AFTPH: variants seen among roughly 807,000 people sequenced by gnomAD.
AFTPH encodes the protein aftiphilin, also known as aftiphilin protein.
AFTPH carries 7 observed loss-of-function variants against 72.5 expected under a neutral mutation model. The observed-to-expected ratio is 0.10, with a 90% CI of 0.05 to 0.18. The LOEUF (loss-of-function observed/expected upper bound fraction) is 0.18. AFTPH is among the 10% of genes least tolerant of loss of function. The pLI is 1.00. For missense variants in AFTPH, 979 were observed against 1,060.5 expected, an observed-to-expected ratio of 0.92 and a Z score of 1.07; for synonymous variants, 337 against 370.1, an observed-to-expected ratio of 0.91 and a Z score of 1.03.
intron 8 of AFTPH, among the ~76,000 whole-genome samples, chr2:64,587,610 C>G (rs1558635075): frequency 6.6e-6 from 1 of 152,140 alleles, no homozygotes; most frequent in Admixed American, 6.5e-5. Flanking sequence ...TTTTGATAGA[C>G]TATAGGGTAA....
rs1273215562 is a variant in AFTPH at position 64,583,207 on chromosome 2, TAG to T, written c.2456-2214_2456-2213del. 4.6e-5 allele frequency among the ~76,000 whole-genome samples: 7 copies of T among 152,112 alleles called. No homozygotes were observed. In the East Asian group the frequency reaches 1.3e-3, roughly 29 times the overall value. On this transcript the variant is annotated intron_variant, in intron 7 of 8. Transcript: ENST00000238856. ...TGTTTCTGGGAAAGTCATTTCGTCT[TAG>T]CTTGCGGTTATTTAATTATTTTGTG...
At chr2:64,562,608 C>G (rs1671809317) in intron 2 of AFTPH, among the ~76,000 whole-genome samples, 1 of 152,110 alleles carries the variant, frequency 6.6e-6, no homozygotes, top group Non-Finnish European at 1.5e-5. Flanking sequence ...CTTTTCTCAT[C>G]CAGGAAATGG....
chr2:64,549,317 T>A (rs1670880049), intron 1 of AFTPH, among the ~76,000 whole-genome samples: 1 of 107,080 alleles, frequency 9.3e-6, no homozygotes, highest in Non-Finnish European at 1.7e-5. Flanking sequence ...CCTTTTTTTT[T>A]TTTTTTTTTT....
intron 8 of AFTPH, among the ~76,000 whole-genome samples, chr2:64,586,500 CTCTT>C (rs1376251117): frequency 6.6e-6 from 1 of 152,176 alleles, no homozygotes; most frequent in Non-Finnish European, 1.5e-5. Flanking sequence ...ATGTTTCTCT[CTCTT>C]AACTTTAGCT....
chr2:64,573,109 A>C (rs1264324247), intron 6 of AFTPH, 41 bp downstream of exon 6: 1 of 1,459,476 alleles, frequency 6.9e-7, no homozygotes, highest in Non-Finnish European at 9.6e-7. Context: ...TTATGCGTGT[A>C]TATACACATA....
chr2:64,556,177 G>T (rs1362575301), intron 2 of AFTPH, among the ~76,000 whole-genome samples: 1 of 152,048 alleles, frequency 6.6e-6, no homozygotes, highest in Non-Finnish European at 1.5e-5. Context: ...TATTGGAGAT[G>T]AAGTGTCACC....
At chr2:64,556,235 G>A (rs907784545) in intron 2 of AFTPH, among the ~76,000 whole-genome samples, 4 of 152,168 alleles carry the variant, frequency 2.6e-5, no homozygotes, top group Admixed American at 6.5e-5. Context: ...TGATCCACCC[G>A]GCTCGGCCTC....
rs1276925190 is a variant in AFTPH, at chr2:64,575,061, A to ACCGCTTCCTCCT, written c.2394+1995_2394+1996insGCTTCCTCCTCC. ...TTTTGCTTGCTTCCTCCTCCATCTA[A>ACCGCTTCCTCCT]CCACTTCCACCTTACAACCCCATAA... is the stretch of plus-strand genomic sequence containing the variant. On this transcript the variant is annotated intron_variant, in intron 6 of 8. Coordinates refer to ENST00000238856, the Ensembl canonical transcript of AFTPH. Among the ~76,000 whole-genome samples, 5 of 152,158 alleles carry ACCGCTTCCTCCT rather than the reference A, an allele frequency of 3.3e-5. No homozygotes were observed. In the East Asian group the frequency reaches 9.7e-4, roughly 29 times the overall value.
At chr2:64,587,268 G>T (rs1045406995) in intron 8 of AFTPH, among the ~76,000 whole-genome samples, 1 of 152,086 alleles carries the variant, frequency 6.6e-6, no homozygotes, top group African/African-American at 2.4e-5. Context: ...TGAGTTACTC[G>T]CTAGGACCTG....
chr2:64,571,533 G>C (rs1672432117), intron 5 of AFTPH, among the ~76,000 whole-genome samples: 1 of 152,206 alleles, frequency 6.6e-6, no homozygotes, highest in Admixed American at 6.5e-5. Flanking sequence ...TAGCTGCTCG[G>C]TTAAAGCCTT....
chr2:64,551,806 C>G (rs776648995), exon 2 of AFTPH: 1 of 1,613,338 alleles, frequency 6.2e-7, no homozygotes, highest in South Asian at 1.1e-5. Flanking sequence ...CTTTCTACCA[C>G]CAGCAAAGAA....
At chr2:64,553,458 G>A in intron 2 of AFTPH, 49 bp downstream of exon 2, 4 of 1,495,008 alleles carry the variant, frequency 2.7e-6, no homozygotes, top group Non-Finnish European at 3.5e-6. Flanking sequence ...TTGTTGTGGA[G>A]GCTTCTAATT....
At chr2:64,537,537 T>C (rs1348384362) in intron 1 of AFTPH, among the ~76,000 whole-genome samples, 1 of 152,234 alleles carries the variant, frequency 6.6e-6, no homozygotes, top group Non-Finnish European at 1.5e-5. Context: ...TAGTATCTTT[T>C]AGAGAACTTT....
At chr2:64,552,337 AAGG>A in exon 2 of AFTPH, 2 of 1,614,114 alleles carry the variant, frequency 1.2e-6, no homozygotes, top group African/African-American at 2.7e-5. Flanking sequence ...TTGGATAACA[AAGG>A]AGACACTGAT....
chr2:64,552,337 A>G lies in AFTPH; in HGVS notation c.863A>G (p.Lys288Arg), dbSNP rs77781733. 7.7e-5 allele frequency: 125 copies of G among 1,614,114 alleles called. No homozygotes were observed. In the East Asian group the frequency reaches 2.7e-3, roughly 35 times the overall value. Residue 288 changes from lysine (K) to arginine (R), a missense_variant, in exon 2 of 9, where the codon AAA (lysine) becomes AGA (arginine). By Grantham distance (26) the Lys-to-Arg change is conservative. This residue lies in a region of AFTPH where 498 missense variants were observed against 467.6 expected (regional missense o/e 1.06). Coordinates refer to ENST00000238856, the Ensembl canonical transcript of AFTPH. ...GCTTTGGGTAGAAGCTTGGATAACA[A>G]AGGAGACACTGATGGAGAGGATCAG...
chr2:64,549,976 A>C (rs1241436168), intron 1 of AFTPH, among the ~76,000 whole-genome samples: 1 of 152,160 alleles, frequency 6.6e-6, no homozygotes. Flanking sequence ...AAATCAATTG[A>C]TTTGACTTCC....
intron 1 of AFTPH, among the ~76,000 whole-genome samples, chr2:64,527,458 T>TG (rs1669344526): frequency 6.6e-6 from 1 of 152,092 alleles, no homozygotes; most frequent in African/African-American, 2.4e-5. Flanking sequence ...CACATGCCTA[T>TG]AATCCCAGCT....
In AFTPH at chr2:64,552,579, T is replaced by C. The variant is rs777527120; in HGVS notation, c.1105T>C (p.Cys369Arg). Residue 369 changes from cysteine (C) to arginine (R), a missense_variant, in exon 2 of 9, where the codon TGC becomes CGC. By Grantham distance (180) the Cys-to-Arg change is radical. Coordinates refer to ENST00000238856, the Ensembl canonical transcript of AFTPH. The stretch of plus-strand genomic sequence containing the variant: ...ACTTACTTCTAAATGTGCTCACCTA[T>C]GCATGGATTCTGTTAAAACTTCTGA... The C allele has an allele frequency of 1.3e-5, 21 of 1,614,076 alleles. No homozygotes were observed. Among genetic ancestry groups the C allele is most frequent in the Non-Finnish European group, 1.7e-5 (20 of 1,180,028 alleles).
intron 1 of AFTPH, among the ~76,000 whole-genome samples, chr2:64,534,333 CTT>C (rs956172322): frequency 6.8e-6 from 1 of 146,090 alleles, no homozygotes; most frequent in African/African-American, 2.8e-5. Flanking sequence ...ACACTGAACT[CTT>C]TTTATACTTT....
Sources: gnomAD v4.1 joint callset for allele counts (sites outside exome capture counted in the v4.1 genomes callset) on GRCh38, gnomAD v4.1.1 for gene constraint, gnomAD v4.1.1 regional missense constraint, MANE v1.5 for transcripts, NCBI Gene and HGNC (gene_info 2026-07-23, HGNC 2026-07-21) for gene names.